Variants in RPL23 observed in about 807,000 individuals in gnomAD.
RPL23 encodes the protein large ribosomal subunit protein uL14.
For missense variants in RPL23, 79 were observed against 178.8 expected (o/e 0.44, Z 3.18); for synonymous variants, 63 against 65.3 (o/e 0.97, Z 0.17).
intron 3 of RPL23, chr17:38,850,676 T>C (rs1912976304): frequency 6.3e-6 from 3 of 473,456 alleles, no homozygotes; most frequent in Non-Finnish European, 1.1e-5. Context: ...AGATTTTTTT[T>C]TTTTTTTCAT....
chr17:38,852,558 C>G, intron 3 of RPL23, 46 bp downstream of exon 3: 1 of 1,592,182 alleles, frequency 6.3e-7, no homozygotes. Flanking sequence ...AGGAAAGCGT[C>G]CCCCCACTAC....
At position 38,850,437 on chromosome 17, in the gene RPL23, G is replaced by C. The variant is rs770495795; in HGVS notation, c.265C>G (p.Arg89Gly). The C allele has an allele frequency of 1.4e-5, 23 of 1,613,684 alleles. No homozygotes were observed. In the African/African-American group the frequency reaches 2.8e-4, roughly 20 times the overall value. Residue 89 changes from arginine to glycine, a missense_variant, in exon 4 of 5, where the codon CGT becomes GGT. Coordinates refer to ENST00000479035, the MANE Select transcript of RPL23 (RefSeq NM_000978.4). ...AVVIRQRKSY[R>G]RKDGVFLYFE... ...TAAAGAAACACGCCATCTTTTCTAC[G>C]GTATGACTTTCGTTGTCGAATGACC... is the stretch of plus-strand genomic sequence containing the variant.
At position 38,853,023 on chromosome 17, in the gene RPL23, T is replaced by G. The variant is rs752569951; in HGVS notation, c.96A>C (p.Thr32=). 1 of 1,614,044 alleles carries G rather than the reference T, an allele frequency of 6.2e-7. No individual in the cohort carries two copies. The highest frequency in any genetic ancestry group is 8.5e-7 in the Non-Finnish European group (1 of 1,179,902). The change falls in exon 2 of 5, where the codon ACA becomes ACC. Residue 32 remains threonine (T), a splice_region_variant and synonymous_variant. Coordinates refer to ENST00000479035, the MANE Select transcript of RPL23 (RefSeq NM_000978.4). The part of the protein sequence containing the change: ...VGAVINCADN[T]GAKNLYIISV... The stretch of plus-strand genomic sequence containing the variant: ...TATAGCAACGTGCAAAGACCTCACC[T>G]GTGTTGTCAGCACAATTGATTACAG...
At chr17:38,850,597 A>G (rs1305325450) in intron 3 of RPL23, 122 bp from the exon 4 acceptor site, 7 of 683,352 alleles carry the variant, frequency 1.0e-5, no homozygotes, top group African/African-American at 8.9e-5. Flanking sequence ...GTAAATATCA[A>G]TCTTCAAGGT....
rs1221772101 is a variant in RPL23, at chr17:38,847,984, C to T, written c.*2148G>A. 1.3e-5 allele frequency: 20 copies of T among 1,550,034 alleles called. No homozygotes were observed. The East Asian group carries it at 4.7e-4, about 36-fold the overall frequency. On this transcript the variant is annotated 3_prime_UTR_variant, in exon 5 of 5. Transcript: ENST00000479035. ...CTTTGAAGGCCACAGCAGGAGGATT[C>T]CAAGTCCAGCAGTTCAAAGTTACAG...
At chr17:38,851,862 A>C (rs1362712629) in intron 3 of RPL23, 1 of 152,210 alleles carries the variant, frequency 6.6e-6, no homozygotes, top group African/African-American at 2.4e-5. Context: ...ATGGCCAGGA[A>C]CTCTTTAGAA....
chr17:38,851,849 G>C (rs1312695005), intron 3 of RPL23: 2 of 152,200 alleles, frequency 1.3e-5, no homozygotes, highest in Non-Finnish European at 2.9e-5. Context: ...TGTAAATCAA[G>C]GGATGGCCAG....
chr17:38,852,608 T>C lies in RPL23; in HGVS notation c.222A>G (p.Lys74=), dbSNP rs1913035417. 2 of 1,612,154 alleles carry C rather than the reference T, an allele frequency of 1.2e-6. No homozygotes were observed. The highest frequency in any genetic ancestry group is 1.7e-6 in the Non-Finnish European group (2 of 1,180,024). The part of the protein sequence containing the change: ...TVKKGKPELR[K]KVHPAVVIRQ... ...GTGGGCTCAGTGTTTACTCACCCTT[T>C]TTTCTGAGCTCTGGTTTGCCTTTCT... Residue 74 remains lysine (K), a synonymous_variant, in exon 3 of 5, where the codon AAA becomes AAG. Coordinates refer to ENST00000479035, the MANE Select transcript of RPL23 (RefSeq NM_000978.4).
At chr17:38,853,650 G>A in intron 1 of RPL23, 48 bp downstream of exon 1, 1 of 1,612,878 alleles carries the variant, frequency 6.2e-7, no homozygotes, top group Non-Finnish European at 8.5e-7. Context: ...GAATCCGCCA[G>A]CCACTGCACG....
intron 3 of RPL23, 43 bp downstream of exon 3, chr17:38,852,561 C>A: frequency 6.2e-7 from 1 of 1,608,874 alleles, no homozygotes; most frequent in Non-Finnish European, 8.5e-7. Context: ...AAAGCGTCCC[C>A]CCACTACTCA....
Position 38,850,016 on chromosome 17 carries a change from G to A in RPL23, c.*116C>T, listed in dbSNP as rs563978060. 2.8e-4 allele frequency: 199 copies of A among 710,344 alleles called. No homozygotes were observed. Among genetic ancestry groups the A allele is most frequent in the Middle Eastern group, 1.2e-3 (3 of 2,438 alleles). 44.0% of individuals were successfully genotyped at this position (710,344 alleles called of 1,614,324 possible). On this transcript the variant is annotated 3_prime_UTR_variant, in exon 5 of 5. Coordinates refer to ENST00000479035, the MANE Select transcript of RPL23 (RefSeq NM_000978.4). The stretch of plus-strand genomic sequence containing the variant: ...GCCTGTAATCCCAGCTACTTAGGAG[G>A]CTGAGGCAGGAGAATCGCTTGAACC...
At chr17:38,853,646 GC>G (rs1913071602) in intron 1 of RPL23, 51 bp downstream of exon 1, 1 of 1,609,162 alleles carries the variant, frequency 6.2e-7, no homozygotes, top group African/African-American at 1.3e-5. Context: ...TGACGAATCC[GC>G]CAGCCACTGC....
At position 38,850,228 on chromosome 17, in the gene RPL23, AT is replaced by A. The variant is rs1201542286; in HGVS notation, c.341-15del. Reference sequence around the variant, plus strand: ...TAATGGCAGAACCTGCATTAAAAAAATAAAATAAAATAAAATAAAAACATGT... The same window carrying A: ...TAATGGCAGAACCTGCATTAAAAAAAAAAATAAAATAAAATAAAAACATGT... On this transcript the variant is annotated splice_polypyrimidine_tract_variant and intron_variant, in intron 4 of 4. Transcript: ENST00000479035. 1.9e-6 allele frequency: 3 copies of A among 1,556,602 alleles called. No individual in the cohort carries two copies. Among genetic ancestry groups the A allele is most frequent in the Non-Finnish European group, 2.6e-6 (3 of 1,148,030 alleles).
rs1912930107 is a variant in RPL23 at position 38,849,015 on chromosome 17, A to G, written c.*1117T>C. On this transcript the variant is annotated 3_prime_UTR_variant, in exon 5 of 5. Coordinates refer to ENST00000479035, the MANE Select transcript of RPL23 (RefSeq NM_000978.4). ...CTAACAACCTCCTACCTTAAGGCCA[A>G]GTCCCTTATTATCAGCGCTTTATGC... 1 of 152,182 alleles carries G rather than the reference A, an allele frequency of 6.6e-6. No individual in the cohort carries two copies. Among genetic ancestry groups the G allele is most frequent in the Non-Finnish European group, 1.5e-5 (1 of 68,040 alleles). 9.4% of individuals were successfully genotyped at this position (152,182 alleles called of 1,614,324 possible).
At position 38,849,943 on chromosome 17, in the gene RPL23, C is replaced by T; in HGVS notation, c.*189G>A. On this transcript the variant is annotated 3_prime_UTR_variant, in exon 5 of 5. Coordinates refer to ENST00000479035, the MANE Select transcript of RPL23 (RefSeq NM_000978.4). ...GAGTCGTTTGGCAAACATGGTGAAA[C>T]CCTGTCTCCACCAAAAATACAAAAA... 3.1e-5 allele frequency: 16 copies of T among 511,178 alleles called. No homozygotes were observed. In the South Asian group the frequency reaches 4.4e-4, roughly 14 times the overall value. 31.7% of individuals were successfully genotyped at this position (511,178 alleles called of 1,614,324 possible).
intron 3 of RPL23, 188 bp from the exon 4 acceptor site, chr17:38,850,663 C>A: frequency 4.1e-6 from 2 of 484,178 alleles, no homozygotes; most frequent in South Asian, 2.7e-5. Context: ...CACTACCATG[C>A]CCAGATTTTT....
rs1912933600 is a variant in RPL23 at position 38,849,152 on chromosome 17, A to G, written c.*980T>C. 1 of 152,222 alleles carries G rather than the reference A, an allele frequency of 6.6e-6. No individual in the cohort carries two copies. Among genetic ancestry groups the G allele is most frequent in the African/African-American group, 2.4e-5 (1 of 41,464 alleles). 9.4% of individuals were successfully genotyped at this position (152,222 alleles called of 1,614,324 possible). On this transcript the variant is annotated 3_prime_UTR_variant, in exon 5 of 5. Coordinates refer to ENST00000479035, the MANE Select transcript of RPL23 (RefSeq NM_000978.4). ...AACATTTTCATAGCAAAATACCTGT[A>G]GGTACCATCAACTTAATCATCTTCC...
intron 2 of RPL23, 65 bp from the exon 3 acceptor site, chr17:38,852,797 C>A: frequency 1.2e-6 from 2 of 1,610,608 alleles, no homozygotes; most frequent in Non-Finnish European, 1.7e-6. Context: ...ATCAGTATAA[C>A]ATTTCCCAAA....
intron 3 of RPL23, chr17:38,852,388 A>C (rs1913027669): frequency 3.5e-6 from 2 of 575,700 alleles, no homozygotes; most frequent in Non-Finnish European, 3.0e-6. Flanking sequence ...AAACAAAACA[A>C]AACAAAAACA....
Sources: allele counts gnomAD v4.1 joint callset, GRCh38; gene constraint gnomAD v4.1.1; transcripts MANE v1.5; gene names NCBI Gene and HGNC (gene_info 2026-07-23, HGNC 2026-07-21).